The following ALDH6A1 variants were observed in gnomAD, a reference collection of about 807,000 sequenced individuals.
The protein encoded by ALDH6A1 is methylmalonate-semialdehyde/malonate-semialdehyde dehydrogenase [acylating], mitochondrial.
ALDH6A1 carries 43 observed loss-of-function variants against 62.6 expected under a neutral mutation model. That is an observed-to-expected ratio of 0.69 (90% CI 0.54 to 0.89). The LOEUF (loss-of-function observed/expected upper bound fraction) is 0.89, where lower values mean the gene tolerates loss of function less well. Among genes scored for constraint, ALDH6A1 ranks in the 40% least tolerant of loss-of-function variants. ALDH6A1 has a pLI of 0.00. For missense variants in ALDH6A1, 551 were observed against 661.3 expected (o/e 0.83, Z 1.83); for synonymous variants, 194 against 234.2 (o/e 0.83, Z 1.57).
intron 6 of ALDH6A1, among the ~76,000 whole-genome samples, chr14:74,069,636 C>T (rs2060521529): frequency 6.6e-6 from 1 of 151,586 alleles, no homozygotes; most frequent in Non-Finnish European, 1.5e-5. Flanking sequence ...ACCTGTAATC[C>T]CAGCTACTTG....
chr14:74,075,086 TAC>T, intron 1 of ALDH6A1, 69 bp from the exon 2 acceptor site: 3 of 1,377,062 alleles, frequency 2.2e-6, no homozygotes, highest in Non-Finnish European at 2.1e-6. Context: ...AGCAAATAGC[TAC>T]TATATGCTAT....
At chr14:74,068,800 G>A (rs2060508215) in intron 7 of ALDH6A1, 60 bp downstream of exon 7, 7 of 1,593,850 alleles carry the variant, frequency 4.4e-6, no homozygotes, top group South Asian at 1.1e-5. Flanking sequence ...CTGAAGGTCT[G>A]TTCCTAGGTA....
intron 1 of ALDH6A1, among the ~76,000 whole-genome samples, chr14:74,079,053 T>A (rs964745759): frequency 1.3e-5 from 2 of 151,814 alleles, no homozygotes; most frequent in African/African-American, 4.9e-5. Flanking sequence ...TTTTATCAAC[T>A]CTCATGGCTT....
At chr14:74,071,097 T>C in intron 6 of ALDH6A1, 98 bp downstream of exon 6, 1 of 1,190,566 alleles carries the variant, frequency 8.4e-7, no homozygotes, top group Non-Finnish European at 1.3e-6. Flanking sequence ...CCTTTCCTCC[T>C]TACAAGTAGG....
intron 11 of ALDH6A1, among the ~76,000 whole-genome samples, chr14:74,064,440 TGAGG>T (rs2060425484): frequency 6.6e-6 from 1 of 152,026 alleles, no homozygotes; most frequent in East Asian, 1.9e-4. Context: ...TACCCAGCAC[TGAGG>T]GAGGGGTGGT....
chr14:74,080,463 G>A (rs2060659394), intron 1 of ALDH6A1, among the ~76,000 whole-genome samples: 1 of 151,120 alleles, frequency 6.6e-6, no homozygotes, highest in South Asian at 2.1e-4. Context: ...AATCTCCAGG[G>A]CTTAGGTGAT....
intron 11 of ALDH6A1, 70 bp from the exon 12 acceptor site, chr14:74,060,816 G>C (rs1464882065): frequency 9.7e-6 from 11 of 1,137,804 alleles, no homozygotes; most frequent in Non-Finnish European, 1.3e-5. Context: ...ATTAGCTTTT[G>C]AAGGAGGTAT....
intron 2 of ALDH6A1, among the ~76,000 whole-genome samples, chr14:74,073,093 C>T (rs1343227049): frequency 6.6e-6 from 1 of 152,058 alleles, no homozygotes; most frequent in Non-Finnish European, 1.5e-5. Flanking sequence ...AGCCTCTGCA[C>T]CTGGCCCTTA....
chr14:74,066,949 C>G (rs971290041), intron 8 of ALDH6A1, 63 bp from the exon 9 acceptor site: 31 of 1,503,314 alleles, frequency 2.1e-5, no homozygotes, highest in Non-Finnish European at 2.6e-5. Flanking sequence ...GCTGCCAGGG[C>G]TCATGCCTGT....
intron 1 of ALDH6A1, among the ~76,000 whole-genome samples, chr14:74,077,878 C>G (rs4903177): frequency 0.96 from 146,078 of 152,280 alleles, 70,134 homozygotes; most frequent in East Asian, 0.99. Context: ...AAAGATTAAA[C>G]CTGATCAGGA....
At chr14:74,071,851 TC>T (rs2060553866) in intron 5 of ALDH6A1, 44 bp downstream of exon 5, 5 of 1,595,248 alleles carry the variant, frequency 3.1e-6, no homozygotes, top group Non-Finnish European at 4.3e-6. Flanking sequence ...CCTCCCATCT[TC>T]CTTTGGTCCT....
At chr14:74,068,773 G>C in intron 7 of ALDH6A1, 87 bp downstream of exon 7, 6 of 1,463,454 alleles carry the variant, frequency 4.1e-6, no homozygotes, top group Non-Finnish European at 5.7e-6. Context: ...ATTGGAGTGG[G>C]ATGAGTGGCC....
Position 74,072,309 on chromosome 14 carries a change from G to A in ALDH6A1, c.242C>T (p.Ala81Val). ...AGCACGTTTGCAGGAAGCAATGGCT[G>A]CATCCATTTCTGCCTTGGTGGCCTG... is the stretch of plus-strand genomic sequence containing the variant. ...VPQATKAEMD[A>V]AIASCKRAFP... Residue 81 changes from alanine to valine, a missense_variant, in exon 4 of 12, where the codon GCA (alanine) becomes GTA (valine). Physicochemically the swap from Ala to Val is moderately conservative, Grantham distance 64. Coordinates refer to ENST00000553458, the MANE Select transcript of ALDH6A1 (RefSeq NM_005589.4). The A allele has an allele frequency of 6.2e-7, 1 of 1,614,240 alleles. No homozygotes were observed. The highest frequency in any genetic ancestry group is 8.5e-7 in the Non-Finnish European group (1 of 1,180,046).
At chr14:74,081,261 AT>A (rs1205155432) in intron 1 of ALDH6A1, 2 of 152,198 alleles carry the variant, frequency 1.3e-5, no homozygotes, top group African/African-American at 4.8e-5. Flanking sequence ...CCCTAGCACA[AT>A]TCCTGGAAGA....
rs200731239 is a variant in ALDH6A1, at chr14:74,068,853, A to G, written c.852+7T>C. On this transcript the variant is annotated splice_region_variant and intron_variant, in intron 7 of 11. Coordinates refer to ENST00000553458, the MANE Select transcript of ALDH6A1 (RefSeq NM_005589.4). ...AAAGATTGGAGAAAAAAGGAATAAG[A>G]AGTCACCATATTGGCTTGAACCCTC... 1.5e-3 allele frequency: 2,465 copies of G among 1,613,836 alleles called. 5 individuals carry two copies. Among genetic ancestry groups the G allele is most frequent in the Non-Finnish European group, 1.9e-3 (2,248 of 1,179,854 alleles).
At chr14:74,084,308 T>A in intron 1 of ALDH6A1, 39 bp downstream of exon 1, 2 of 1,613,478 alleles carry the variant, frequency 1.2e-6, no homozygotes, top group Non-Finnish European at 1.7e-6. Context: ...AAGGATCCAA[T>A]TCCTAGCTTC....
In ALDH6A1 at chr14:74,071,310, G is replaced by C; in HGVS notation, c.615C>G (p.Thr205=). 2 of 1,614,164 alleles carry C rather than the reference G, an allele frequency of 1.2e-6. No individual in the cohort carries two copies. The highest frequency in any genetic ancestry group is 2.2e-5 in the South Asian group (2 of 91,076). Residue 205 remains threonine (T), a synonymous_variant, in exon 6 of 12, where the codon ACC becomes ACG. Coordinates refer to ENST00000553458, the MANE Select transcript of ALDH6A1 (RefSeq NM_005589.4). ...CTCGCTCAGATGGTTTCATTAGGAA[G>C]GTATTTCCACACACCATGGCCATGG... ...MFPMAMVCGN[T]FLMKPSERVP... is the part of the protein sequence containing the mutation.
chr14:74,064,926 A>G lies in ALDH6A1; in HGVS notation c.1405-6T>C, dbSNP rs1428331789. On this transcript the variant is annotated splice_region_variant and splice_polypyrimidine_tract_variant and intron_variant, in intron 10 of 11. Coordinates refer to ENST00000553458, the MANE Select transcript of ALDH6A1 (RefSeq NM_005589.4). The stretch of plus-strand genomic sequence containing the variant: ...ATGGGGACATTCACTCCCACCTAAA[A>G]CAGAACAAATCCGTGTCATATCCTA... The G allele has an allele frequency of 6.2e-6, 10 of 1,611,712 alleles. No homozygotes were observed. The highest frequency in any genetic ancestry group is 8.5e-6 in the Non-Finnish European group (10 of 1,178,124).
rs1187351547 is a variant in ALDH6A1, at chr14:74,068,862, T to C, written c.850A>G (p.Met284Val). ...SRHGKRVQAN[M>V]GAKNHGVVMP... ...AGAAAAAAGGAATAAGAAGTCACCA[T>C]ATTGGCTTGAACCCTCTTGCCATGT... Residue 284 changes from methionine to valine, a missense_variant and splice_region_variant, in exon 7 of 12, where the codon ATG becomes GTG. Met to Val is a conservative substitution (Grantham distance 21, BLOSUM62 1). Coordinates refer to ENST00000553458, the MANE Select transcript of ALDH6A1 (RefSeq NM_005589.4). 9 of 1,613,902 alleles carry C rather than the reference T, an allele frequency of 5.6e-6. No individual in the cohort carries two copies. The highest frequency in any genetic ancestry group is 1.3e-5 in the African/African-American group (1 of 74,922).
Sources: allele counts gnomAD v4.1 joint callset (sites outside exome capture counted in the v4.1 genomes callset), GRCh38; gene constraint gnomAD v4.1.1; transcripts MANE v1.5; gene names NCBI Gene and HGNC (gene_info 2026-07-23, HGNC 2026-07-21).